The following STK33 variants were observed in gnomAD, a reference collection of about 807,000 sequenced individuals.
STK33 encodes the protein serine/threonine-protein kinase 33.
A neutral mutation model predicts 58.0 loss-of-function variants in STK33; 52 were observed. The observed-to-expected ratio is 0.90, with a 90% CI of 0.72 to 1.13. STK33 has a LOEUF of 1.13. Ranked by LOEUF, STK33 falls within the 50% of genes most tolerant of loss-of-function variation. The pLI is 0.00. For missense variants in STK33, 630 were observed against 604.2 expected (o/e 1.04, Z -0.45); for synonymous variants, 215 against 200.1 (o/e 1.07, Z -0.63).
intron 1 of STK33, among the ~76,000 whole-genome samples, chr11:8,506,836 A>G (rs1047146706): frequency 6.6e-5 from 10 of 152,254 alleles, no homozygotes; most frequent in African/African-American, 2.4e-4. Flanking sequence ...TTAATTTGAT[A>G]TAAATACACA....
At chr11:8,375,859 T>C in the STK33 span, among the ~76,000 whole-genome samples, 2 of 152,170 alleles carry the variant, frequency 1.3e-5, no homozygotes, top group African/African-American at 4.8e-5. Context: ...GTGAGTCAAT[T>C]AAGCCTCTTT....
At chr11:8,466,434 A>T (rs1292255932) in intron 6 of STK33, 3 of 152,224 alleles carry the variant, frequency 2.0e-5, no homozygotes, top group African/African-American at 7.2e-5. Context: ...TCCAAAATCC[A>T]GTGGGGCAGT....
chr11:8,531,248 G>C (rs955816899), intron 1 of STK33, among the ~76,000 whole-genome samples: 1 of 152,096 alleles, frequency 6.6e-6, no homozygotes, highest in Admixed American at 6.6e-5. Flanking sequence ...TAAATGATTA[G>C]GAGTATAAAA....
chr11:8,542,944 CA>C (rs1955635808), intron 1 of STK33, among the ~76,000 whole-genome samples: 1 of 152,100 alleles, frequency 6.6e-6, no homozygotes, highest in Non-Finnish European at 1.5e-5. Context: ...CTCCTGGGCT[CA>C]AGCAATCCAC....
chr11:8,462,776 C>T (rs939052169), intron 7 of STK33, among the ~76,000 whole-genome samples: 3 of 152,102 alleles, frequency 2.0e-5, no homozygotes, highest in African/African-American at 7.2e-5. Context: ...TCTACAATGT[C>T]CTCTATCTCA....
At chr11:8,397,047 A>G (rs1012085460) in intron 15 of STK33, among the ~76,000 whole-genome samples, 2 of 152,196 alleles carry the variant, frequency 1.3e-5, no homozygotes, top group Admixed American at 6.5e-5. Flanking sequence ...CAGGGCACAG[A>G]CAAACAAAAG....
At chr11:8,400,836 A>C (rs943578125) in intron 15 of STK33, among the ~76,000 whole-genome samples, 3 of 152,236 alleles carry the variant, frequency 2.0e-5, no homozygotes, top group Non-Finnish European at 4.4e-5. Context: ...ACAGACAAAC[A>C]GAGAGCCAAA....
chr11:8,524,699 T>G (rs1055042648), intron 1 of STK33, among the ~76,000 whole-genome samples: 1 of 152,138 alleles, frequency 6.6e-6, no homozygotes, highest in Non-Finnish European at 1.5e-5. Flanking sequence ...TTAAATCAAT[T>G]CACCTATTTT....
intron 6 of STK33, chr11:8,466,982 T>C (rs1948261752): frequency 6.6e-6 from 1 of 152,292 alleles, no homozygotes; most frequent in South Asian, 2.1e-4. Flanking sequence ...CTTTCAGCCA[T>C]GGCTGGAGTG....
intron 14 of STK33, among the ~76,000 whole-genome samples, chr11:8,416,560 G>A (rs909337696): frequency 2.6e-5 from 4 of 152,036 alleles, no homozygotes; most frequent in African/African-American, 9.7e-5. Flanking sequence ...ATACTGCTCT[G>A]CTATTTTACT....
intron 1 of STK33, among the ~76,000 whole-genome samples, chr11:8,522,974 G>T (rs1300198241): frequency 1.3e-5 from 2 of 152,160 alleles, no homozygotes; most frequent in Non-Finnish European, 1.5e-5. Context: ...GTATTTTTTT[G>T]GTGGAGACGG....
At chr11:8,588,428 A>T (rs553792807) in intron 1 of STK33, among the ~76,000 whole-genome samples, 2 of 152,354 alleles carry the variant, frequency 1.3e-5, no homozygotes, top group East Asian at 3.9e-4. Context: ...GACTTTAACA[A>T]GTGAAATGAA....
chr11:8,410,470 C>CTTTT lies in STK33; in HGVS notation c.1344+3021_1344+3024dup, dbSNP rs11382344. Among the ~76,000 whole-genome samples the CTTTT allele has an allele frequency of 6.6e-4, 81 of 121,828 alleles. 1 individual carries two copies. Among genetic ancestry groups the CTTTT allele is most frequent in the East Asian group, 2.7e-3 (11 of 4,046 alleles). The allele number at this position is 121,828 out of a possible 152,430, so 79.9% of individuals were successfully genotyped here. On this transcript the variant is annotated intron_variant, in intron 15 of 15. Transcript: ENST00000687296. Reference sequence around the variant, plus strand: ...GCAAAAATCTATTTTCTTTTCTTTTCTTTTTTTTTTTTTTTTTTCTGAGAC... The same window carrying CTTTT: ...GCAAAAATCTATTTTCTTTTCTTTTCTTTTTTTTTTTTTTTTTTTTTTCTGAGAC...
At chr11:8,519,315 C>T (rs1953146910) in intron 1 of STK33, among the ~76,000 whole-genome samples, 1 of 152,082 alleles carries the variant, frequency 6.6e-6, no homozygotes, top group Admixed American at 6.5e-5. Context: ...CACAACACAC[C>T]AGAATCTCTG....
At chr11:8,481,185 G>C (rs1168252713) in intron 1 of STK33, among the ~76,000 whole-genome samples, 1 of 152,156 alleles carries the variant, frequency 6.6e-6, no homozygotes, top group African/African-American at 2.4e-5. Flanking sequence ...AGGGTTGAAA[G>C]CACAATCGAA....
the STK33 span, among the ~76,000 whole-genome samples, chr11:8,357,750 G>C: frequency 3.3e-5 from 5 of 152,222 alleles, no homozygotes; most frequent in South Asian, 1.0e-3. Flanking sequence ...AGGAATTGCA[G>C]CCTTCAGGTG....
At chr11:8,473,297 A>C (rs764976187) in intron 5 of STK33, 21 bp from the exon 6 acceptor site, 1 of 1,078,614 alleles carries the variant, frequency 9.3e-7, no homozygotes, top group Admixed American at 2.5e-5. Flanking sequence ...AAAAAAAATT[A>C]AAAAAAAAAA....
chr11:8,420,172 GATGTAA>G (rs1941711118), intron 14 of STK33, among the ~76,000 whole-genome samples: 1 of 152,082 alleles, frequency 6.6e-6, no homozygotes, highest in African/African-American at 2.4e-5. Flanking sequence ...GAAAAGACAT[GATGTAA>G]GTTTTAGATA....
At chr11:8,462,685 T>A (rs1391074709) in intron 7 of STK33, among the ~76,000 whole-genome samples, 1 of 151,874 alleles carries the variant, frequency 6.6e-6, no homozygotes, top group African/African-American at 2.4e-5. Flanking sequence ...CATTTAACAC[T>A]CACCATGCAG....
Sources: gnomAD v4.1 joint callset for allele counts (sites outside exome capture counted in the v4.1 genomes callset) on GRCh38, gnomAD v4.1.1 for gene constraint, MANE v1.5 for transcripts, NCBI Gene and HGNC (gene_info 2026-07-23, HGNC 2026-07-21) for gene names.